TCHP: variants seen among roughly 807,000 people sequenced by gnomAD.
The protein encoded by TCHP is trichoplein keratin filament binding, also known as trichoplein keratin filament-binding protein.
A neutral mutation model predicts 88.7 loss-of-function variants in TCHP; 81 were observed. That is an observed-to-expected ratio of 0.91 (90% CI 0.76 to 1.10). The LOEUF (loss-of-function observed/expected upper bound fraction) is 1.10, where lower values mean the gene tolerates loss of function less well. Ranked by LOEUF, TCHP falls within the 50% of genes least tolerant of loss-of-function variation. The pLI is 0.00. For missense variants in TCHP, 641 were observed against 632.1 expected, an observed-to-expected ratio of 1.01 and a Z score of -0.15; for synonymous variants, 232 against 232.5, an observed-to-expected ratio of 1.00 and a Z score of 0.02.
chr12:109,906,745 G>A, intron 5 of TCHP, 105 bp downstream of exon 5: 1 of 899,942 alleles, frequency 1.1e-6, no homozygotes, highest in Non-Finnish European at 1.8e-6. Context: ...CAGTTAAGGA[G>A]TGTAGTGTAC....
Position 109,917,974 on chromosome 12 carries a change from G to C in TCHP, c.*1351G>C, listed in dbSNP as rs1016141393. The C allele has an allele frequency of 1.3e-5, 2 of 152,214 alleles. No homozygotes were observed. The highest frequency in any genetic ancestry group is 4.8e-5 in the African/African-American group (2 of 41,440). 9.4% of individuals were successfully genotyped at this position (152,214 alleles called of 1,614,324 possible). On this transcript the variant is annotated 3_prime_UTR_variant, in exon 13 of 13. Coordinates refer to ENST00000405876, the MANE Select transcript of TCHP (RefSeq NM_001143852.2). ...CATTTTCTTGCAACTCTTTGACTCT[G>C]ATCCCCTGAGCAGCACGTTCATCAC...
chr12:109,906,732 C>T (rs763613244), intron 5 of TCHP, 92 bp downstream of exon 5: 2 of 1,075,056 alleles, frequency 1.9e-6, no homozygotes, highest in Middle Eastern at 2.0e-4. Context: ...GCATCAGTGA[C>T]TCCAGTTAAG....
chr12:109,898,198 T>G (rs1169568510), upstream of TCHP, among the ~76,000 whole-genome samples: 5 of 152,100 alleles, frequency 3.3e-5, no homozygotes, highest in Non-Finnish European at 5.9e-5. Flanking sequence ...CCTAGAAAGC[T>G]GCACTATTTT....
At chr12:109,901,028 A>G (rs991162070) in intron 1 of TCHP, 4 of 152,206 alleles carry the variant, frequency 2.6e-5, no homozygotes, top group South Asian at 2.1e-4. Flanking sequence ...TCCTCTCTCT[A>G]GGTCTCAGCT....
chr12:109,897,401 C>T (rs1157350408), upstream of TCHP, among the ~76,000 whole-genome samples: 3 of 152,098 alleles, frequency 2.0e-5, no homozygotes, highest in African/African-American at 7.2e-5. Context: ...GAGCCCTAAG[C>T]CCTAAAGTTC....
At chr12:109,886,801 C>T in the TCHP span, among the ~76,000 whole-genome samples, 1 of 151,998 alleles carries the variant, frequency 6.6e-6, no homozygotes, top group Non-Finnish European at 1.5e-5. Context: ...CTCCACCTCC[C>T]GGGTTCAAGC....
the TCHP span, among the ~76,000 whole-genome samples, chr12:109,885,596 C>A: frequency 6.6e-6 from 1 of 151,338 alleles, no homozygotes; most frequent in Non-Finnish European, 1.5e-5. Flanking sequence ...CATTCTCCTG[C>A]CTCAGCCTCC....
the TCHP span, among the ~76,000 whole-genome samples, chr12:109,881,543 A>G: frequency 6.6e-6 from 1 of 152,344 alleles, no homozygotes; most frequent in Non-Finnish European, 1.5e-5. Flanking sequence ...TTGAGCCTCT[A>G]CGCTCAAGCC....
rs373557911 is a variant in TCHP at position 109,903,210 on chromosome 12, C to T, written c.184C>T (p.Arg62Trp). Residue 62 changes from arginine to tryptophan, a missense_variant, in exon 2 of 13, where the codon CGG becomes TGG. Physicochemically the swap from Arg to Trp is moderately radical, Grantham distance 101. Coordinates refer to ENST00000405876, the MANE Select transcript of TCHP (RefSeq NM_001143852.2). This position sits in a 1 kb window ranked among gnomAD's most constrained non-coding sequence, Gnocchi z 4.6. ...AEWSSKTSYQ[R>W]SMHAYQREKM... ...ATGGAGCTCTAAAACCTCCTACCAG[C>T]GGAGGTAATTGTGCGGTAACTGCCG... 1.5e-5 allele frequency: 24 copies of T among 1,608,094 alleles called. No homozygotes were observed. Among genetic ancestry groups the T allele is most frequent in the African/African-American group, 4.0e-5 (3 of 74,834 alleles).
chr12:109,910,217 G>A (rs2136077418), intron 8 of TCHP, among the ~76,000 whole-genome samples: 1 of 152,336 alleles, frequency 6.6e-6, no homozygotes, highest in Admixed American at 6.5e-5. Flanking sequence ...TAAGTACTTT[G>A]ATGAGCTCCC....
the TCHP span, among the ~76,000 whole-genome samples, chr12:109,885,137 T>C: frequency 2.0e-5 from 3 of 152,124 alleles, no homozygotes; most frequent in East Asian, 5.8e-4. Context: ...CCCTGTTAAC[T>C]TTTTATATTT....
intron 11 of TCHP, 26 bp from the exon 12 acceptor site, chr12:109,915,377 G>T (rs200022479): frequency 1.2e-5 from 19 of 1,613,950 alleles, no homozygotes; most frequent in Non-Finnish European, 1.6e-5. Context: ...TTGTCTTGGG[G>T]TGGTGACTTT....
chr12:109,907,570 A>G lies in TCHP; in HGVS notation c.570A>G (p.Glu190=), dbSNP rs1344063704. 3 of 1,614,234 alleles carry G rather than the reference A, an allele frequency of 1.9e-6. No individual in the cohort carries two copies. The highest frequency in any genetic ancestry group is 4.5e-5 in the East Asian group (2 of 44,884). ...AEQENKRYEN[E]YERARREALE... ...AAGAGAACAAACGGTATGAAAATGA[A>G]TATGAAAGGGCCCGAAGGGAGGCGC... Residue 190 remains glutamate (E), a synonymous_variant, in exon 6 of 13, where the codon GAA becomes GAG. Coordinates refer to ENST00000405876, the MANE Select transcript of TCHP (RefSeq NM_001143852.2).
the TCHP span, among the ~76,000 whole-genome samples, chr12:109,894,752 C>A: frequency 8.3e-6 from 1 of 120,448 alleles, no homozygotes; most frequent in Non-Finnish European, 1.6e-5. Context: ...GCAACAAGAG[C>A]GAAACTCTGT....
intron 9 of TCHP, 37 bp from the exon 10 acceptor site, chr12:109,912,954 G>A (rs1397158256): frequency 5.0e-6 from 8 of 1,594,828 alleles, no homozygotes; most frequent in Non-Finnish European, 6.9e-6. Flanking sequence ...GCCAGGGCGG[G>A]GAGGAGCCTG....
At chr12:109,899,622 G>C (rs1009108803), upstream of TCHP, among the ~76,000 whole-genome samples, 1 of 152,074 alleles carries the variant, frequency 6.6e-6, no homozygotes, top group Non-Finnish European at 1.5e-5. Context: ...TGGCGACAGA[G>C]CAAGACTCTG....
At chr12:109,908,440 G>A in intron 6 of TCHP, 146 bp from the exon 7 acceptor site, 1 of 661,146 alleles carries the variant, frequency 1.5e-6, no homozygotes, top group South Asian at 1.8e-5. Flanking sequence ...GGATGAGTAA[G>A]TGAGTGGTGG....
At chr12:109,912,904 A>ATG (rs1870586691) in intron 9 of TCHP, 87 bp from the exon 10 acceptor site, 2 of 1,050,290 alleles carry the variant, frequency 1.9e-6, no homozygotes, top group African/African-American at 3.1e-5. Flanking sequence ...TGCAGAAGCC[A>ATG]TGTGCCCTGC....
intron 12 of TCHP, 105 bp from the exon 13 acceptor site, chr12:109,916,486 C>A: frequency 8.4e-7 from 1 of 1,196,752 alleles, no homozygotes; most frequent in Non-Finnish European, 1.2e-6. Context: ...GGAAATGAAA[C>A]AGCCATTTAT....
Sources: gnomAD v4.1 joint callset for allele counts (sites outside exome capture counted in the v4.1 genomes callset) on GRCh38, gnomAD v4.1.1 for gene constraint, Gnocchi (gnomAD v3.1) non-coding constraint, MANE v1.5 for transcripts, NCBI Gene and HGNC (gene_info 2026-07-23, HGNC 2026-07-21) for gene names.